SCAF4: variants seen among roughly 807,000 people sequenced by gnomAD.
SCAF4 encodes SR-related CTD associated factor 4.
Under a neutral mutation model 129.8 loss-of-function variants are expected in SCAF4, and 25 were observed. The observed-to-expected ratio is 0.19, with a 90% CI of 0.14 to 0.27. The LOEUF (loss-of-function observed/expected upper bound fraction) is 0.27. Ranked by LOEUF, SCAF4 falls within the 10% of genes least tolerant of loss-of-function variation. SCAF4 has a pLI of 1.00. For synonymous variants in SCAF4, 551 were observed against 497.7 expected, an observed-to-expected ratio of 1.11 and a Z score of -1.43; for missense variants, 1,246 against 1,457.1, an observed-to-expected ratio of 0.86 and a Z score of 2.36.
chr21:31,712,309 C>A (rs2050818931), intron 1 of SCAF4, among the ~76,000 whole-genome samples: 1 of 150,808 alleles, frequency 6.6e-6, no homozygotes, highest in African/African-American at 2.4e-5. Context: ...CCTCTGCCTC[C>A]CGGTTTCAAG....
intron 10 of SCAF4, among the ~76,000 whole-genome samples, chr21:31,694,497 A>T (rs1385461079): frequency 6.6e-6 from 1 of 152,218 alleles, no homozygotes; most frequent in Non-Finnish European, 1.5e-5. Context: ...AAAGATTAAA[A>T]GAAATATTTC....
chr21:31,714,279 A>T (rs1457918487), intron 1 of SCAF4, among the ~76,000 whole-genome samples: 1 of 152,146 alleles, frequency 6.6e-6, no homozygotes, highest in Non-Finnish European at 1.5e-5. Context: ...ATTCACAATT[A>T]ATGTTATCTG....
intron 4 of SCAF4, among the ~76,000 whole-genome samples, chr21:31,703,534 C>T (rs2050583864): frequency 6.6e-6 from 1 of 151,998 alleles, no homozygotes; most frequent in African/African-American, 2.4e-5. Flanking sequence ...CTCTTTGATT[C>T]TATAAATTTT....
Position 31,690,802 on chromosome 21 carries a change from T to C in SCAF4, c.1880A>G (p.Asn627Ser), listed in dbSNP as rs758968564. The C allele has an allele frequency of 6.2e-7, 1 of 1,611,984 alleles. No homozygotes were observed. The highest frequency in any genetic ancestry group is 1.7e-5 in the Admixed American group (1 of 59,674). The change falls in exon 15 of 20, where the codon AAC (asparagine) becomes AGC (serine). Residue 627 changes from asparagine to serine, a missense_variant. Coordinates refer to ENST00000286835, the MANE Select transcript of SCAF4 (RefSeq NM_020706.2). Reference protein sequence around the residue: ...EGGMLDSDTLNPDWKGIPKKP... With the variant: ...EGGMLDSDTLSPDWKGIPKKP... ...GAAATTAAATACTGCTTTACCTGGGTTAAGTGTGTCACTGTCCAACATTCC... is the reference window on the plus strand; with the variant it reads ...GAAATTAAATACTGCTTTACCTGGGCTAAGTGTGTCACTGTCCAACATTCC...
intron 9 of SCAF4, among the ~76,000 whole-genome samples, chr21:31,695,271 G>A (rs2050357492): frequency 6.6e-6 from 1 of 152,054 alleles, no homozygotes; most frequent in Admixed American, 6.6e-5. Flanking sequence ...GTGATAAACT[G>A]AACTTCAAGT....
intron 19 of SCAF4, among the ~76,000 whole-genome samples, chr21:31,683,534 C>A (rs2050045005): frequency 6.6e-6 from 1 of 152,048 alleles, no homozygotes; most frequent in African/African-American, 2.4e-5. Context: ...TTCACTCATT[C>A]AATAAATTTA....
Position 31,685,214 on chromosome 21 carries a change from T to C in SCAF4, c.2323A>G (p.Thr775Ala), listed in dbSNP as rs1313829603. 6.2e-7 allele frequency: 1 copy of C among 1,609,506 alleles called. No homozygotes were observed. The highest frequency in any genetic ancestry group is 1.7e-5 in the Admixed American group (1 of 59,998). Reference protein sequence around the residue: ...NSTIAGINEDTTKDLSIGNPI... With the variant: ...NSTIAGINEDATKDLSIGNPI... ...TTTCCAATAGATAAGTCTTTTGTAGTGTCTTCATTTATACCAGCGATAGTA... is the reference window on the plus strand; with the variant it reads ...TTTCCAATAGATAAGTCTTTTGTAGCGTCTTCATTTATACCAGCGATAGTA... The change falls in exon 19 of 20, where the codon ACT becomes GCT. Residue 775 changes from threonine (T) to alanine (A), a missense_variant. By Grantham distance (58) the Thr-to-Ala change is moderately conservative. Coordinates refer to ENST00000286835, the MANE Select transcript of SCAF4 (RefSeq NM_020706.2).
intron 8 of SCAF4, 70 bp from the exon 9 acceptor site, chr21:31,696,291 AAC>A (rs1224819596): frequency 4.2e-6 from 5 of 1,187,530 alleles, no homozygotes; most frequent in African/African-American, 1.5e-5. Context: ...AAATTACAGA[AAC>A]AGAGTGTTGT....
chr21:31,731,507 G>A (rs963332100), intron 1 of SCAF4, among the ~76,000 whole-genome samples, 156 bp downstream of exon 1: 11 of 152,082 alleles, frequency 7.2e-5, no homozygotes, highest in African/African-American at 2.4e-4. Flanking sequence ...GACCTCTCCC[G>A]GGCCACAGGC....
intron 4 of SCAF4, 121 bp from the exon 5 acceptor site, chr21:31,702,500 TAAAC>T (rs2050558456): frequency 1.1e-6 from 1 of 884,562 alleles, no homozygotes; most frequent in South Asian, 1.8e-5. Flanking sequence ...GTGTGTTTCA[TAAAC>T]AAGGAAAAAA....
At chr21:31,689,755 C>G (rs117192763) in intron 15 of SCAF4, among the ~76,000 whole-genome samples, 1 of 150,574 alleles carries the variant, frequency 6.6e-6, no homozygotes, top group East Asian at 2.0e-4. Flanking sequence ...ATGGTGAAAC[C>G]CCTTCTCTAC....
chr21:31,674,681 C>T (rs73351372), intron 19 of SCAF4, among the ~76,000 whole-genome samples: 3,515 of 152,220 alleles, frequency 0.023, 122 homozygotes, highest in African/African-American at 0.079. Context: ...AGGCATAAAC[C>T]ATCAGTATAT....
intron 1 of SCAF4, among the ~76,000 whole-genome samples, chr21:31,724,420 T>C (rs1052728072): frequency 1.3e-5 from 2 of 152,202 alleles, no homozygotes; most frequent in African/African-American, 4.8e-5. Flanking sequence ...CTTATTCTGC[T>C]ATATACCTGA....
chr21:31,721,087 TAG>T, intron 1 of SCAF4, among the ~76,000 whole-genome samples: 1 of 152,310 alleles, frequency 6.6e-6, no homozygotes, highest in Non-Finnish European at 1.5e-5. Context: ...CAACACTTTA[TAG>T]AGTATTTTCA....
intron 19 of SCAF4, among the ~76,000 whole-genome samples, chr21:31,673,405 T>C (rs1403775318): frequency 1.5e-5 from 2 of 135,416 alleles, no homozygotes; most frequent in African/African-American, 3.1e-5. Flanking sequence ...TTGAGCAAGT[T>C]ATGGGTTATG....
intron 19 of SCAF4, among the ~76,000 whole-genome samples, chr21:31,681,189 T>TA (rs2049986886): frequency 6.6e-6 from 1 of 152,166 alleles, no homozygotes; most frequent in African/African-American, 2.4e-5. Context: ...TCAGCTACAG[T>TA]AGTGTGACAA....
chr21:31,699,703 A>T (rs1568844744), intron 7 of SCAF4, among the ~76,000 whole-genome samples: 1 of 152,204 alleles, frequency 6.6e-6, no homozygotes, highest in Non-Finnish European at 1.5e-5. Context: ...GATATTTTAA[A>T]GATGATGAAA....
intron 15 of SCAF4, among the ~76,000 whole-genome samples, chr21:31,690,413 A>T (rs2050232139): frequency 6.6e-6 from 1 of 152,166 alleles, no homozygotes; most frequent in Non-Finnish European, 1.5e-5. Flanking sequence ...TGAACCTGGG[A>T]GGCAGAGGTT....
chr21:31,727,067 A>G (rs1235981641), intron 1 of SCAF4, among the ~76,000 whole-genome samples: 1 of 151,934 alleles, frequency 6.6e-6, no homozygotes, highest in African/African-American at 2.4e-5. Flanking sequence ...TTTTCTCTGC[A>G]CTATTTTTGT....
Sources: gnomAD v4.1 joint callset for allele counts (sites outside exome capture counted in the v4.1 genomes callset) on GRCh38, gnomAD v4.1.1 for gene constraint, MANE v1.5 for transcripts, NCBI Gene and HGNC (gene_info 2026-07-23, HGNC 2026-07-21) for gene names.